Variants in EYS observed in about 807,000 individuals in gnomAD.
EYS encodes the protein protein eyes shut homolog.
EYS carries 250 observed loss-of-function variants against 282.1 expected under a neutral mutation model. The ratio of observed to expected loss-of-function variants is 0.89; its 90% CI spans 0.80 to 0.98. The LOEUF is 0.98. EYS is among the 50% of genes least tolerant of loss of function. The probability of loss-of-function intolerance (pLI) is 0.00; values close to 1 mark genes in which losing one functional copy is unlikely to be tolerated. For synonymous variants in EYS, 1,355 were observed against 1,282.9 expected, an observed-to-expected ratio of 1.06 and a Z score of -1.20; for missense variants, 4,016 against 3,709.0, an observed-to-expected ratio of 1.08 and a Z score of -2.15.
chr6:64,722,506 T>A, intron 22 of EYS, among the ~76,000 whole-genome samples: 1 of 148,658 alleles, frequency 6.7e-6, no homozygotes. Context: ...GTATTTTCAG[T>A]AAATTATTTG....
intron 11 of EYS, among the ~76,000 whole-genome samples, chr6:65,300,571 G>A (rs1254850345): frequency 2.0e-5 from 3 of 152,018 alleles, no homozygotes; most frequent in African/African-American, 4.8e-5. Context: ...TGTGAAGTTA[G>A]AGAATTTCCT....
In EYS at chr6:64,902,508, G is replaced by A. The variant is rs1417247668; in HGVS notation, c.2642-8C>T. ...AGTTTTTACCTTCAAATTCTGCAAA[G>A]AGTATGAGATGAGTATGGATGAGCA... On this transcript the variant is annotated splice_polypyrimidine_tract_variant and splice_region_variant and intron_variant, in intron 16 of 42. Transcript: ENST00000503581. 30 of 1,505,576 alleles carry A rather than the reference G, an allele frequency of 2.0e-5. No homozygotes were observed. The highest frequency in any genetic ancestry group is 4.6e-5 in the Admixed American group (2 of 43,592). 93.3% of individuals were successfully genotyped at this position (1,505,576 alleles called of 1,614,324 possible).
chr6:65,580,507 G>GA (rs1764829725), intron 2 of EYS, among the ~76,000 whole-genome samples: 1 of 151,996 alleles, frequency 6.6e-6, no homozygotes, highest in African/African-American at 2.4e-5. Flanking sequence ...TCTTTTAATT[G>GA]AAAACCTAAT....
intron 12 of EYS, among the ~76,000 whole-genome samples, chr6:65,186,403 A>G (rs989948818): frequency 6.6e-5 from 10 of 151,772 alleles, no homozygotes; most frequent in Non-Finnish European, 1.3e-4. Context: ...TGCAATGGTA[A>G]TGAAATAAGT....
intron 13 of EYS, among the ~76,000 whole-genome samples, chr6:65,006,857 A>C (rs1221719113): frequency 6.6e-6 from 1 of 152,218 alleles, no homozygotes; most frequent in Non-Finnish European, 1.5e-5. Flanking sequence ...GCCAAGCCTT[A>C]AAGTACTTAC....
At chr6:65,546,210 A>G (rs1489028647) in intron 2 of EYS, among the ~76,000 whole-genome samples, 2 of 143,962 alleles carry the variant, frequency 1.4e-5, no homozygotes, top group Non-Finnish European at 3.0e-5. Context: ...TTTTTAATAT[A>G]TAGGGACAGG....
intron 12 of EYS, among the ~76,000 whole-genome samples, chr6:65,229,108 A>C (rs1420671512): frequency 5.3e-5 from 8 of 152,006 alleles, no homozygotes; most frequent in Non-Finnish European, 8.8e-5. Flanking sequence ...AAACCAAGAC[A>C]ACACAATTTC....
chr6:63,936,944 A>G (rs1765076541), intron 35 of EYS, among the ~76,000 whole-genome samples: 1 of 152,208 alleles, frequency 6.6e-6, no homozygotes, highest in Admixed American at 6.5e-5. Context: ...CCGTGGTGTG[A>G]TAAGGGACAA....
intron 12 of EYS, among the ~76,000 whole-genome samples, chr6:65,136,628 C>T (rs1776029057): frequency 6.6e-6 from 1 of 151,994 alleles, no homozygotes; most frequent in African/African-American, 2.4e-5. Context: ...ATCCTATGCA[C>T]TCACACATAT....
intron 36 of EYS, among the ~76,000 whole-genome samples, chr6:63,833,418 C>A (rs1771703732): frequency 2.0e-5 from 3 of 151,448 alleles, no homozygotes; most frequent in Admixed American, 2.0e-4. Context: ...TCCTATACAC[C>A]AATAAGAAAC....
intron 36 of EYS, among the ~76,000 whole-genome samples, chr6:63,861,437 C>G (rs1201563080): frequency 6.6e-6 from 1 of 152,116 alleles, no homozygotes; most frequent in Non-Finnish European, 1.5e-5. Context: ...GAGATAATAC[C>G]ATCAGAATAG....
chr6:65,621,509 T>C (rs370697006), intron 2 of EYS, among the ~76,000 whole-genome samples: 28 of 150,338 alleles, frequency 1.9e-4, no homozygotes, highest in African/African-American at 6.4e-4. Flanking sequence ...CTTTATCCAA[T>C]TTGCCAGTCT....
chr6:65,011,708 C>T (rs994883036), intron 13 of EYS, among the ~76,000 whole-genome samples: 1 of 152,286 alleles, frequency 6.6e-6, no homozygotes, highest in African/African-American at 2.4e-5. Flanking sequence ...GGGAAGGTGA[C>T]CGCTTCCACC....
chr6:64,912,580 G>A lies in EYS; in HGVS notation c.2545C>T (p.Arg849Cys), dbSNP rs369347845. The A allele has an allele frequency of 7.2e-5, 111 of 1,551,036 alleles. No individual in the cohort carries two copies. The highest frequency in any genetic ancestry group is 3.3e-4 in the Middle Eastern group (2 of 6,014). The part of the protein sequence containing the change: ...PLYTGQFCHQ[R>C]YNLCDLLHNP... ...TGAAGTAGGTCACAAAGGTTATAGC[G>A]TTGGTGGCAAAATTGTCCAGTATAA... Residue 849 changes from arginine to cysteine, a missense_variant, in exon 16 of 43, where the codon CGC (arginine) becomes TGC (cysteine). Arg to Cys is a radical substitution (Grantham distance 180). Transcript: ENST00000503581.
intron 35 of EYS, among the ~76,000 whole-genome samples, chr6:63,891,629 T>C (rs1306377925): frequency 1.3e-5 from 2 of 152,112 alleles, no homozygotes; most frequent in Non-Finnish European, 2.9e-5. Flanking sequence ...TGGCCAATCA[T>C]ACTGAATGGG....
intron 35 of EYS, among the ~76,000 whole-genome samples, chr6:63,972,215 G>A (rs1053396736): frequency 4.9e-4 from 74 of 152,244 alleles, no homozygotes; most frequent in Non-Finnish European, 8.2e-4. Flanking sequence ...CTCCAAGAGG[G>A]AGAAAGGAAC....
At chr6:64,709,437 C>T (rs536537008) in intron 22 of EYS, among the ~76,000 whole-genome samples, 1 of 152,078 alleles carries the variant, frequency 6.6e-6, no homozygotes, top group African/African-American at 2.4e-5. Context: ...AATATTTTTT[C>T]TCTCTTTATA....
chr6:65,440,217 C>A lies in EYS; in HGVS notation c.863-34850G>T, dbSNP rs545554934. On this transcript the variant is annotated intron_variant, in intron 5 of 42. Coordinates refer to ENST00000503581, the MANE Select transcript of EYS (RefSeq NM_001142800.2). ...GTTCAAGCATGCATTTTACTCTATA[C>A]CAGTGATACGTAAACAATGCTCACT... is the stretch of plus-strand genomic sequence containing the variant. 9.5e-4 allele frequency among the ~76,000 whole-genome samples: 145 copies of A among 152,032 alleles called. No individual in the cohort carries two copies. In the Middle Eastern group the frequency reaches 0.01, roughly 11 times the overall value.
At chr6:64,597,710 G>T (rs1300883941) in intron 24 of EYS, among the ~76,000 whole-genome samples, 1 of 149,902 alleles carries the variant, frequency 6.7e-6, no homozygotes, top group Non-Finnish European at 1.5e-5. Context: ...ACTTAAAAGG[G>T]TGGGGGAGGA....
Sources: allele counts gnomAD v4.1 joint callset (sites outside exome capture counted in the v4.1 genomes callset), GRCh38; gene constraint gnomAD v4.1.1; transcripts MANE v1.5; gene names NCBI Gene and HGNC (gene_info 2026-07-23, HGNC 2026-07-21).